LRR1: variants seen among roughly 807,000 people sequenced by gnomAD.
LRR1 encodes the protein leucine-rich repeat protein 1.
A neutral mutation model predicts 31.6 loss-of-function variants in LRR1; 29 were observed. The ratio of observed to expected loss-of-function variants is 0.92; its 90% CI spans 0.68 to 1.25. LRR1 has a LOEUF of 1.25. Among genes scored for constraint, LRR1 ranks in the 50% most tolerant of loss-of-function variants. The pLI is 0.00. For missense variants in LRR1, 485 were observed against 487.2 expected (o/e 1.00, Z 0.04); for synonymous variants, 179 against 181.4 (o/e 0.99, Z 0.10).
intron 2 of LRR1, among the ~76,000 whole-genome samples, chr14:49,603,120 C>T (rs1225897275): frequency 6.6e-6 from 1 of 152,014 alleles, no homozygotes; most frequent in Non-Finnish European, 1.5e-5. Context: ...GCTGGGATTA[C>T]AGGCGTGAGC....
chr14:49,605,967 C>G (rs1882262471), intron 2 of LRR1, among the ~76,000 whole-genome samples: 1 of 151,984 alleles, frequency 6.6e-6, no homozygotes, highest in Admixed American at 6.6e-5. Context: ...TGTCCTCATA[C>G]TGTATTTCCA....
intron 2 of LRR1, among the ~76,000 whole-genome samples, chr14:49,604,866 G>A (rs1166938879): frequency 6.6e-6 from 1 of 151,894 alleles, no homozygotes; most frequent in African/African-American, 2.4e-5. Flanking sequence ...CTTCCTGATG[G>A]GTGGAAACAA....
chr14:49,602,756 C>T (rs531198862), intron 2 of LRR1, among the ~76,000 whole-genome samples: 1 of 152,244 alleles, frequency 6.6e-6, no homozygotes, highest in South Asian at 2.1e-4. Context: ...GCCTCAGCCT[C>T]CCAAAGTGTT....
chr14:49,600,197 A>G, intron 1 of LRR1: 1 of 1,476,536 alleles, frequency 6.8e-7, no homozygotes, highest in East Asian at 2.3e-5. Flanking sequence ...CCGGACAGGA[A>G]GACTATGACC....
At position 49,613,535 on chromosome 14, in the gene LRR1, G is replaced by A. The variant is rs28607830; in HGVS notation, c.1005-721G>A. On this transcript the variant is annotated intron_variant, in intron 3 of 3. Transcript: ENST00000298288. ...AAAAAAAAAAGTTTAGGCCAGGTGC[G>A]GTGGCTCACACCTTTAATCCTAGCA... 3.1e-3 allele frequency among the ~76,000 whole-genome samples: 463 copies of A among 151,534 alleles called. 2 individuals carry two copies. The highest frequency in any genetic ancestry group is 5.4e-3 in the Non-Finnish European group (369 of 67,894).
chr14:49,612,422 T>C (rs1594592649), intron 3 of LRR1: 4 of 1,164,376 alleles, frequency 3.4e-6, no homozygotes, highest in Non-Finnish European at 4.3e-6. Flanking sequence ...ATTTAAGTTA[T>C]GTCAGATAGA....
At chr14:49,608,184 T>C in intron 3 of LRR1, 63 bp downstream of exon 3, 1 of 1,452,218 alleles carries the variant, frequency 6.9e-7, no homozygotes, top group Non-Finnish European at 9.1e-7. Flanking sequence ...CCTATCAAAC[T>C]CAGAGTAATA....
chr14:49,613,493 A>C (rs574939650), intron 3 of LRR1, among the ~76,000 whole-genome samples: 8 of 149,836 alleles, frequency 5.3e-5, no homozygotes, highest in Non-Finnish European at 1.0e-4. Context: ...CAACAGAGTG[A>C]GACTCCATCT....
At position 49,603,523 on chromosome 14, in the gene LRR1, C is replaced by CT. The variant is rs752524533; in HGVS notation, c.282+1080dup. 4.1e-3 allele frequency: 402 copies of CT among 99,128 alleles called. 12 individuals carry two copies. The highest frequency in any genetic ancestry group is 0.015 in the East Asian group (46 of 3,150). The allele number at this position is 99,128 out of a possible 1,614,324, so 6.1% of individuals were successfully genotyped here. A position where few individuals can be genotyped will look rare whatever the true frequency, so the allele number is the denominator to read the frequency against. On this transcript the variant is annotated intron_variant, in intron 2 of 3. Coordinates refer to ENST00000298288, the MANE Select transcript of LRR1 (RefSeq NM_152329.4). ...ACTGTAATCATTCTTTCTTCTTCTT[C>CT]TTTTTTTTTTTTTTTTTTTTTTTTT...
chr14:49,600,514 T>C, intron 1 of LRR1: 1 of 1,575,894 alleles, frequency 6.3e-7, no homozygotes, highest in Non-Finnish European at 8.7e-7. Flanking sequence ...TTGAAGACTG[T>C]TTTTGATGAG....
chr14:49,614,363 C>G lies in LRR1; in HGVS notation c.1112C>G (p.Thr371Ser). ...RFCLNSFIQGTTTMNLHSVAH... is the reference protein window; with the variant it reads ...RFCLNSFIQGSTTMNLHSVAH... ...TGTCTGAACTCTTTCATTCAAGGAA[C>G]TACTACCATGAATCTGCATTCTGTT... The change falls in exon 4 of 4, where the codon ACT becomes AGT. Residue 371 changes from threonine to serine, a missense_variant. Physicochemically the swap from Thr to Ser is moderately conservative, Grantham distance 58. Transcript: ENST00000298288. 6.2e-7 allele frequency: 1 copy of G among 1,614,030 alleles called. No individual in the cohort carries two copies. Among genetic ancestry groups the G allele is most frequent in the Non-Finnish European group, 8.5e-7 (1 of 1,179,976 alleles).
At chr14:49,608,177 A>G (rs1882359141) in intron 3 of LRR1, 56 bp downstream of exon 3, 3 of 1,466,038 alleles carry the variant, frequency 2.0e-6, no homozygotes, top group African/African-American at 1.4e-5. Context: ...TAATATTCCT[A>G]TCAAACTCAG....
chr14:49,613,164 C>T (rs1180088234), intron 3 of LRR1, among the ~76,000 whole-genome samples: 1 of 152,004 alleles, frequency 6.6e-6, no homozygotes, highest in East Asian at 1.9e-4. Context: ...ATGGTGAAAC[C>T]CTGCCTCTAC....
At chr14:49,612,466 A>T (rs1245603003) in intron 3 of LRR1, 1 of 1,245,300 alleles carries the variant, frequency 8.0e-7, no homozygotes, top group Non-Finnish European at 1.0e-6. Flanking sequence ...TGTTTCCTCA[A>T]TCTAGAACCA....
chr14:49,604,267 T>C (rs934303325), intron 2 of LRR1, among the ~76,000 whole-genome samples: 1 of 151,950 alleles, frequency 6.6e-6, no homozygotes, highest in Admixed American at 6.6e-5. Context: ...ATTGCACCAC[T>C]GCACTCCAAC....
At chr14:49,600,171 G>C in intron 1 of LRR1, 2 of 1,481,664 alleles carry the variant, frequency 1.3e-6, no homozygotes, top group Non-Finnish European at 1.9e-6. Context: ...GTACCTCCTA[G>C]GACTCTATAA....
chr14:49,611,165 A>G (rs1041944543), intron 3 of LRR1, among the ~76,000 whole-genome samples: 1 of 152,120 alleles, frequency 6.6e-6, no homozygotes, highest in African/African-American at 2.4e-5. Context: ...CAAATTTAGA[A>G]TAACCTGAGA....
At position 49,602,140 on chromosome 14, in the gene LRR1, CTTTTTTTTTTTT is replaced by C. The variant is rs71115383; in HGVS notation, c.184-214_184-203del. ...GAGACTCTGTCTCAAAAAAAAACAA[CTTTTTTTTTTTT>C]TTTTTTTTTTTTTTTGAGAAGGAGT... On this transcript the variant is annotated intron_variant, in intron 1 of 3. Coordinates refer to ENST00000298288, the MANE Select transcript of LRR1 (RefSeq NM_152329.4). Among the ~76,000 whole-genome samples, 8 of 60,298 alleles carry C rather than the reference CTTTTTTTTTTTT, an allele frequency of 1.3e-4. No homozygotes were observed. In the East Asian group the frequency reaches 2.3e-3, roughly 17 times the overall value. The allele number at this position is 60,298 out of a possible 152,430, so 39.6% of individuals were successfully genotyped here. A position where few individuals can be genotyped will look rare whatever the true frequency, so the allele number is the denominator to read the frequency against.
Position 49,601,732 on chromosome 14 carries a change from T to G in LRR1, c.184-638T>G, listed in dbSNP as rs1451837627. 4.8e-6 allele frequency: 6 copies of G among 1,260,930 alleles called. No homozygotes were observed. The Admixed American group carries it at 1.4e-4, about 30-fold the overall frequency. 78.1% of individuals were successfully genotyped at this position (1,260,930 alleles called of 1,614,324 possible). ...GGAGCATTCTCTCAAAACATGGTGA[T>G]CCTGTTCTCAAAGGAGAGTTACTGG... On this transcript the variant is annotated intron_variant, in intron 1 of 3. Coordinates refer to ENST00000298288, the MANE Select transcript of LRR1 (RefSeq NM_152329.4).
Sources: gnomAD v4.1 joint callset for allele counts (sites outside exome capture counted in the v4.1 genomes callset) on GRCh38, gnomAD v4.1.1 for gene constraint, MANE v1.5 for transcripts, NCBI Gene and HGNC (gene_info 2026-07-23, HGNC 2026-07-21) for gene names.